Variants in NUDCD3 observed in about 807,000 individuals in gnomAD.
NUDCD3 encodes nudC domain-containing protein 3.
A neutral mutation model predicts 39.7 loss-of-function variants in NUDCD3; 13 were observed. The observed-to-expected ratio is 0.33, with a 90% CI of 0.21 to 0.52. The LOEUF is 0.52. Among genes scored for constraint, NUDCD3 ranks in the 20% least tolerant of loss-of-function variants. The pLI, the probability that NUDCD3 is intolerant of heterozygous loss-of-function variation, is 0.96. For missense variants in NUDCD3, 453 were observed against 458.1 expected, an observed-to-expected ratio of 0.99 and a Z score of 0.10; for synonymous variants, 175 against 172.4, an observed-to-expected ratio of 1.02 and a Z score of -0.12.
rs201423294 is a variant in NUDCD3, at chr7:44,490,516, C to T, written c.85G>A (p.Val29Ile). ...HVGNVQDFLRVLFGFLYRKTD... is the reference protein window; with the variant it reads ...HVGNVQDFLRILFGFLYRKTD... ...TTGCGGTAGAGGAAGCCAAAGAGAACGCGCAGGAAATCCTGGACGTTGCCC... is the reference window on the plus strand; with the variant it reads ...TTGCGGTAGAGGAAGCCAAAGAGAATGCGCAGGAAATCCTGGACGTTGCCC... The change falls in exon 1 of 6, where the codon GTT becomes ATT. Residue 29 changes from valine to isoleucine, a missense_variant. Physicochemically the swap from Val to Ile is conservative, Grantham distance 29 (BLOSUM62 3). Coordinates refer to ENST00000355451, the MANE Select transcript of NUDCD3 (RefSeq NM_015332.4). 105 of 1,611,646 alleles carry T rather than the reference C, an allele frequency of 6.5e-5. 1 individual carries two copies. Among genetic ancestry groups the T allele is most frequent in the Admixed American group, 4.3e-4 (26 of 59,816 alleles).
intron 2 of NUDCD3, among the ~76,000 whole-genome samples, chr7:44,483,380 A>C (rs1425803563): frequency 6.6e-6 from 1 of 152,232 alleles, no homozygotes; most frequent in Non-Finnish European, 1.5e-5. Context: ...TATCCTCAGA[A>C]ATGGAAGATG....
At chr7:44,390,946 G>C (rs1798503382) in intron 5 of NUDCD3, among the ~76,000 whole-genome samples, 1 of 152,236 alleles carries the variant, frequency 6.6e-6, no homozygotes, top group African/African-American at 2.4e-5. Flanking sequence ...GCCAAGCAAA[G>C]ATGTCCTTTA....
chr7:44,464,073 G>A (rs1800071678), intron 2 of NUDCD3, among the ~76,000 whole-genome samples: 1 of 151,888 alleles, frequency 6.6e-6, no homozygotes, highest in African/African-American at 2.4e-5. Context: ...AATTAGCCAG[G>A]CGTGGTGGTG....
intron 4 of NUDCD3, among the ~76,000 whole-genome samples, chr7:44,397,288 A>AT (rs1798642484): frequency 6.6e-6 from 1 of 152,168 alleles, no homozygotes; most frequent in South Asian, 2.1e-4. Context: ...ACATGTGGGC[A>AT]TTTCCATTGT....
At chr7:44,415,396 CAT>C (rs1799001197) in intron 3 of NUDCD3, among the ~76,000 whole-genome samples, 1 of 152,130 alleles carries the variant, frequency 6.6e-6, no homozygotes, top group South Asian at 2.1e-4. Flanking sequence ...GAGCAAAGAA[CAT>C]GTGATGGAAA....
chr7:44,447,259 A>G (rs1416956667), intron 2 of NUDCD3, among the ~76,000 whole-genome samples: 1 of 152,254 alleles, frequency 6.6e-6, no homozygotes, highest in East Asian at 1.9e-4. Flanking sequence ...GAGGAAGACA[A>G]TAAAAATAAT....
intron 2 of NUDCD3, among the ~76,000 whole-genome samples, chr7:44,483,142 C>T (rs2116981798): frequency 6.6e-6 from 1 of 152,078 alleles, no homozygotes; most frequent in East Asian, 1.9e-4. Flanking sequence ...GACTATCATG[C>T]ATGAGTAAAT....
At chr7:44,488,084 C>T (rs1362056553) in intron 1 of NUDCD3, among the ~76,000 whole-genome samples, 1 of 152,148 alleles carries the variant, frequency 6.6e-6, no homozygotes, top group African/African-American at 2.4e-5. Flanking sequence ...CACCTGTAAT[C>T]CTAGCACTTT....
intron 2 of NUDCD3, among the ~76,000 whole-genome samples, chr7:44,439,023 G>A (rs1457589306): frequency 6.6e-6 from 1 of 152,070 alleles, no homozygotes; most frequent in Non-Finnish European, 1.5e-5. Context: ...CTAACAGAGG[G>A]GCCCACAACA....
chr7:44,437,979 T>A (rs1799496714), intron 2 of NUDCD3, among the ~76,000 whole-genome samples: 1 of 152,190 alleles, frequency 6.6e-6, no homozygotes, highest in Non-Finnish European at 1.5e-5. Flanking sequence ...AGAGGCTTCC[T>A]AATTTTTTAG....
intron 3 of NUDCD3, 103 bp downstream of exon 3, chr7:44,427,468 A>C: frequency 7.6e-7 from 1 of 1,323,552 alleles, no homozygotes; most frequent in African/African-American, 1.5e-5. Flanking sequence ...TCACATCCTA[A>C]AGCCGATCTC....
chr7:44,461,115 C>T (rs1800001507), intron 2 of NUDCD3, among the ~76,000 whole-genome samples: 1 of 152,194 alleles, frequency 6.6e-6, no homozygotes, highest in Admixed American at 6.5e-5. Flanking sequence ...CAAATGCTTT[C>T]TTCTATCTCC....
intron 3 of NUDCD3, 40 bp from the exon 4 acceptor site, chr7:44,404,623 GT>G: frequency 6.2e-7 from 1 of 1,604,924 alleles, no homozygotes; most frequent in Non-Finnish European, 8.5e-7. Flanking sequence ...TCCTATCAGG[GT>G]GACCACTGGT....
intron 2 of NUDCD3, among the ~76,000 whole-genome samples, chr7:44,462,836 ACAT>A (rs1800042298): frequency 6.6e-6 from 1 of 152,190 alleles, no homozygotes; most frequent in Non-Finnish European, 1.5e-5. Context: ...CAGGAATACA[ACAT>A]GTCTGATTCT....
rs1798345235 is a variant in NUDCD3, at chr7:44,383,539, C to T, written c.*2472G>A. ...AAGGCTAGAATGCAACAATAATGAC[C>T]ATGCACAGACAGAACTGTCTCAGCA... On this transcript the variant is annotated 3_prime_UTR_variant, in exon 6 of 6. Transcript: ENST00000355451. The T allele has an allele frequency of 6.6e-6, 1 of 152,216 alleles. No homozygotes were observed. The highest frequency in any genetic ancestry group is 1.5e-5 in the Non-Finnish European group (1 of 68,060). 9.4% of individuals were successfully genotyped at this position (152,216 alleles called of 1,614,324 possible). A position where few individuals can be genotyped will look rare whatever the true frequency, so the allele number is the denominator to read the frequency against.
intron 2 of NUDCD3, among the ~76,000 whole-genome samples, chr7:44,433,103 G>A (rs774400516): frequency 1.3e-5 from 2 of 152,208 alleles, no homozygotes; most frequent in East Asian, 3.8e-4. Flanking sequence ...CAAGAAAACA[G>A]AGGTCCATGA....
chr7:44,460,570 GACTA>G, intron 2 of NUDCD3, among the ~76,000 whole-genome samples: 1 of 151,716 alleles, frequency 6.6e-6, no homozygotes, highest in South Asian at 2.1e-4. Flanking sequence ...ACCAAAACTA[GACTA>G]ACCAAGAAAA....
rs568529987 is a variant in NUDCD3 at position 44,439,080 on chromosome 7, CAGG to C, written c.510-11380_510-11378del. Among the ~76,000 whole-genome samples, 160 of 152,238 alleles carry C rather than the reference CAGG, an allele frequency of 1.1e-3. 2 individuals carry two copies. The highest frequency in any genetic ancestry group is 3.7e-3 in the African/African-American group (152 of 41,542). ...GGATGACTAACTCAAAAACATACAG[CAGG>C]AGGAGGAGTAGCGAGTGAGCACTGA... On this transcript the variant is annotated intron_variant, in intron 2 of 5. Transcript: ENST00000355451.
chr7:44,450,720 T>C (rs764356154), intron 2 of NUDCD3, among the ~76,000 whole-genome samples: 6 of 152,068 alleles, frequency 3.9e-5, no homozygotes, highest in Non-Finnish European at 7.4e-5. Context: ...ATGTAAAGCA[T>C]ACAGTACTCT....
Sources: allele counts gnomAD v4.1 joint callset (sites outside exome capture counted in the v4.1 genomes callset), GRCh38; gene constraint gnomAD v4.1.1; transcripts MANE v1.5; gene names NCBI Gene and HGNC (gene_info 2026-07-23, HGNC 2026-07-21).